Variants in PRKAR2A observed in about 807,000 individuals in gnomAD.
PRKAR2A encodes the protein cAMP-dependent protein kinase type II-alpha regulatory subunit.
A neutral mutation model predicts 51.9 loss-of-function variants in PRKAR2A; 29 were observed. That is an observed-to-expected ratio of 0.56 (90% CI 0.42 to 0.76). The LOEUF is 0.76. PRKAR2A is among the 30% of genes least tolerant of loss of function. The pLI is 0.00. For synonymous variants in PRKAR2A, 178 were observed against 186.2 expected (o/e 0.96, Z 0.36); for missense variants, 445 against 512.1 (o/e 0.87, Z 1.26).
intron 1 of PRKAR2A, among the ~76,000 whole-genome samples, chr3:48,812,549 C>T (rs933061031): frequency 5.4e-5 from 8 of 148,728 alleles, no homozygotes; most frequent in African/African-American, 2.0e-4. Context: ...GTGGCACAAT[C>T]TTGGCTCACT....
chr3:48,799,193 C>T (rs966184955), intron 2 of PRKAR2A, among the ~76,000 whole-genome samples: 2 of 152,178 alleles, frequency 1.3e-5, no homozygotes, highest in Admixed American at 1.3e-4. Context: ...TGATCCCCTA[C>T]GCAACCTCAA....
chr3:48,811,258 T>C (rs1214587178), intron 1 of PRKAR2A, among the ~76,000 whole-genome samples: 1 of 152,026 alleles, frequency 6.6e-6, no homozygotes, highest in Non-Finnish European at 1.5e-5. Context: ...GAGGCCAAGA[T>C]GGAATGATCA....
At chr3:48,790,425 T>G (rs1265877703) in intron 4 of PRKAR2A, 119 bp downstream of exon 4, 2 of 598,818 alleles carry the variant, frequency 3.3e-6, no homozygotes, top group African/African-American at 1.9e-5. Context: ...GTAAGATGAA[T>G]CTAAGGTTTT....
intron 1 of PRKAR2A, among the ~76,000 whole-genome samples, chr3:48,829,865 ATATATATTTTTTTT>A (rs1384984209): frequency 2.5e-5 from 2 of 81,218 alleles, no homozygotes; most frequent in East Asian, 5.5e-4. Flanking sequence ...ATATATATAT[ATATATATTTTTTTT>A]TTTTTTTTAA....
chr3:48,773,687 T>C (rs902789134), intron 5 of PRKAR2A, among the ~76,000 whole-genome samples: 2 of 151,856 alleles, frequency 1.3e-5, no homozygotes, highest in African/African-American at 4.8e-5. Context: ...GTTTTAATAC[T>C]TCCTTTCCAA....
chr3:48,760,246 A>T (rs2081843452), intron 8 of PRKAR2A, among the ~76,000 whole-genome samples: 2 of 152,136 alleles, frequency 1.3e-5, no homozygotes, highest in South Asian at 2.1e-4. Flanking sequence ...AGTTCCAGCT[A>T]CTCGGGAGGC....
chr3:48,814,414 A>G (rs927379225), intron 1 of PRKAR2A, among the ~76,000 whole-genome samples: 2 of 152,202 alleles, frequency 1.3e-5, no homozygotes, highest in African/African-American at 4.8e-5. Flanking sequence ...GTGAGACTCC[A>G]TCTCAAAACA....
chr3:48,847,231 G>A lies in PRKAR2A; in HGVS notation c.262+104C>T. ...CGCGGCTACAGAGCTCCCAATCCCAGCCTGCGGTCGGCTTGGCTGCGGCGC... is the reference window on the plus strand; with the variant it reads ...CGCGGCTACAGAGCTCCCAATCCCAACCTGCGGTCGGCTTGGCTGCGGCGC... On this transcript the variant is annotated intron_variant, in intron 1 of 10. Coordinates refer to ENST00000265563, the MANE Select transcript of PRKAR2A (RefSeq NM_004157.4). The surrounding 1 kb of genome is among the most constrained non-coding windows in gnomAD (Gnocchi z 4.4). 1 of 1,407,628 alleles carries A rather than the reference G, an allele frequency of 7.1e-7. No individual in the cohort carries two copies. The highest frequency in any genetic ancestry group is 9.6e-7 in the Non-Finnish European group (1 of 1,043,776). 87.2% of individuals were successfully genotyped at this position (1,407,628 alleles called of 1,614,324 possible). A position where few individuals can be genotyped will look rare whatever the true frequency, so the allele number is the denominator to read the frequency against.
At chr3:48,812,967 G>A (rs1052337625) in intron 1 of PRKAR2A, among the ~76,000 whole-genome samples, 6 of 152,136 alleles carry the variant, frequency 3.9e-5, no homozygotes, top group Non-Finnish European at 8.8e-5. Context: ...ATAATGCTCC[G>A]TACATATTGA....
chr3:48,752,916 C>T (rs1440037936), intron 9 of PRKAR2A, among the ~76,000 whole-genome samples: 2 of 47,498 alleles, frequency 4.2e-5, no homozygotes, highest in African/African-American at 2.0e-4. Context: ...TTCCCTCCTC[C>T]TTTTTTTTTT....
At chr3:48,842,008 T>C (rs931842107) in intron 1 of PRKAR2A, among the ~76,000 whole-genome samples, 1 of 152,188 alleles carries the variant, frequency 6.6e-6, no homozygotes, top group Non-Finnish European at 1.5e-5. Flanking sequence ...TTGGACAGTA[T>C]GGCCATTTTC....
Position 48,750,871 on chromosome 3 carries a change from A to G in PRKAR2A, c.*714T>C, listed in dbSNP as rs2081636498. The G allele has an allele frequency of 6.5e-6, 1 of 154,526 alleles. No homozygotes were observed. Among genetic ancestry groups the G allele is most frequent in the Admixed American group, 6.4e-5 (1 of 15,714 alleles). 9.6% of individuals were successfully genotyped at this position (154,526 alleles called of 1,614,324 possible). A position where few individuals can be genotyped will look rare whatever the true frequency, so the allele number is the denominator to read the frequency against. ...TTTCCTGGCTCTCTACTAACAGTAA[A>G]ATGTGCTGAGCCCAAATTTTCTGCT... On this transcript the variant is annotated 3_prime_UTR_variant, in exon 11 of 11. Transcript: ENST00000265563.
chr3:48,767,282 C>A (rs957730238), intron 6 of PRKAR2A, among the ~76,000 whole-genome samples: 2 of 151,652 alleles, frequency 1.3e-5, no homozygotes, highest in African/African-American at 4.8e-5. Context: ...AGTTCAAGAC[C>A]AGCCTGGCCA....
intron 3 of PRKAR2A, among the ~76,000 whole-genome samples, chr3:48,793,476 T>C (rs1271295925): frequency 6.6e-6 from 1 of 152,126 alleles, no homozygotes; most frequent in Non-Finnish European, 1.5e-5. Context: ...TCTAACTACA[T>C]TGCCCAGGCT....
intron 4 of PRKAR2A, among the ~76,000 whole-genome samples, chr3:48,785,875 C>G (rs1032479182): frequency 2.6e-5 from 4 of 151,974 alleles, no homozygotes; most frequent in African/African-American, 9.7e-5. Flanking sequence ...TAACAACTGG[C>G]CAGTCTAAGT....
At chr3:48,791,822 G>A (rs1489686391) in intron 3 of PRKAR2A, among the ~76,000 whole-genome samples, 1 of 134,058 alleles carries the variant, frequency 7.5e-6, no homozygotes, top group Non-Finnish European at 1.5e-5. Context: ...AGAATCGCTT[G>A]AACCCAGGAG....
At chr3:48,800,937 T>A (rs2082579705) in intron 2 of PRKAR2A, among the ~76,000 whole-genome samples, 1 of 152,012 alleles carries the variant, frequency 6.6e-6, no homozygotes, top group Non-Finnish European at 1.5e-5. Flanking sequence ...CCTCTCAAAG[T>A]GCTGGGATTA....
intron 3 of PRKAR2A, among the ~76,000 whole-genome samples, chr3:48,792,054 T>C (rs2082398156): frequency 6.6e-6 from 1 of 152,014 alleles, no homozygotes; most frequent in Non-Finnish European, 1.5e-5. Flanking sequence ...ACAAAAATGG[T>C]AGCGTTTATT....
intron 4 of PRKAR2A, among the ~76,000 whole-genome samples, chr3:48,786,145 GAC>G (rs1330173805): frequency 1.4e-5 from 2 of 141,310 alleles, no homozygotes; most frequent in African/African-American, 5.2e-5. Context: ...TTTTTTTTGA[GAC>G]AGAGTCTCGC....
Sources: gnomAD v4.1 joint callset for allele counts (sites outside exome capture counted in the v4.1 genomes callset) on GRCh38, gnomAD v4.1.1 for gene constraint, Gnocchi (gnomAD v3.1) non-coding constraint, MANE v1.5 for transcripts, NCBI Gene and HGNC (gene_info 2026-07-23, HGNC 2026-07-21) for gene names.